GARIN3: variants seen among roughly 807,000 people sequenced by gnomAD.
The protein encoded by GARIN3 is golgi associated RAB2 interactor family member 3, also known as Golgi-associated RAB2 interactor protein 3.
chr5:157,166,054 T>C, the GARIN3 span: 1 of 1,614,226 alleles, frequency 6.2e-7, no homozygotes, highest in East Asian at 2.2e-5. Context: ...TTGAAAATGT[T>C]GTACTCTCCT....
At chr5:157,165,462 T>C in the GARIN3 span, 2 of 1,502,422 alleles carry the variant, frequency 1.3e-6, no homozygotes, top group Non-Finnish European at 1.8e-6. Context: ...CAATACTTTT[T>C]CCAGGTGGGC....
the GARIN3 span, chr5:157,163,477 G>A: frequency 6.2e-7 from 1 of 1,614,188 alleles, no homozygotes. Context: ...TGCTGTCCTT[G>A]CTGCTCCTCC....
chr5:157,162,742 T>C, the GARIN3 span: 1 of 1,614,230 alleles, frequency 6.2e-7, no homozygotes, highest in Non-Finnish European at 8.5e-7. Context: ...TGTTCTCGAC[T>C]CCTTTTTGGT....
At chr5:157,163,183 GC>G in the GARIN3 span, 2 of 1,613,956 alleles carry the variant, frequency 1.2e-6, no homozygotes, top group Non-Finnish European at 1.7e-6. Flanking sequence ...GGCGGCCCCC[GC>G]CATCGAGGTG....
chr5:157,166,134 G>T, the GARIN3 span: 1 of 1,613,948 alleles, frequency 6.2e-7, no homozygotes, highest in South Asian at 1.1e-5. Flanking sequence ...GTAGCTGTGG[G>T]CTGTGTAATA....
the GARIN3 span, chr5:157,162,743 C>A: frequency 1.9e-6 from 3 of 1,614,210 alleles, no homozygotes; most frequent in Non-Finnish European, 2.5e-6. Flanking sequence ...GTTCTCGACT[C>A]CTTTTTGGTG....
chr5:157,162,483 C>T, the GARIN3 span: 1 of 1,614,136 alleles, frequency 6.2e-7, no homozygotes, highest in Non-Finnish European at 8.5e-7. Context: ...TCATCTCCGT[C>T]TTCTCGGATG....
the GARIN3 span, chr5:157,166,158 T>C: frequency 1.2e-6 from 2 of 1,609,406 alleles, no homozygotes; most frequent in South Asian, 2.2e-5. Context: ...TAAACAAGAT[T>C]CATTGCTCAT....
At chr5:157,166,143 T>C in the GARIN3 span, 2 of 1,612,880 alleles carry the variant, frequency 1.2e-6, no homozygotes, top group South Asian at 1.1e-5. Flanking sequence ...GGCTGTGTAA[T>C]AAGGTAAACA....
the GARIN3 span, chr5:157,162,055 T>C: frequency 1.3e-5 from 3 of 228,616 alleles, no homozygotes; most frequent in African/African-American, 7.0e-5. Flanking sequence ...TGAATGTCCA[T>C]GTTCAGGGGC....
chr5:157,161,999 C>T, the GARIN3 span: 1 of 176,398 alleles, frequency 5.7e-6, no homozygotes, highest in Admixed American at 5.5e-5. Context: ...CTGAATATCC[C>T]CTGAGGGGAT....
chr5:157,164,044 AGAGT>A, the GARIN3 span, among the ~76,000 whole-genome samples: 69 of 152,000 alleles, frequency 4.5e-4, no homozygotes, highest in Non-Finnish European at 8.8e-5. Context: ...CCTAGGCAAC[AGAGT>A]GAGACACTGT....
chr5:157,163,810 C>G, the GARIN3 span: 7 of 1,010,416 alleles, frequency 6.9e-6, no homozygotes, highest in Non-Finnish European at 7.0e-6. Context: ...AATCCCAACA[C>G]TTTGGGAGGC....
chr5:157,162,900 C>G, the GARIN3 span: 35 of 1,614,078 alleles, frequency 2.2e-5, no homozygotes, highest in Non-Finnish European at 2.5e-5. Flanking sequence ...CCCCCGCTCT[C>G]CTGCGGTGAC....
At chr5:157,163,272 T>A in the GARIN3 span, 1 of 1,614,208 alleles carries the variant, frequency 6.2e-7, no homozygotes, top group Non-Finnish European at 8.5e-7. Flanking sequence ...TGGCAGCACC[T>A]GCCATGGACT....
chr5:157,162,430 G>A, the GARIN3 span: 17 of 1,608,076 alleles, frequency 1.1e-5, no homozygotes, highest in African/African-American at 1.3e-5. Flanking sequence ...CTGGGCGGTT[G>A]TAGCCCTGGC....
the GARIN3 span, among the ~76,000 whole-genome samples, chr5:157,165,381 C>A: frequency 5.3e-5 from 8 of 152,186 alleles, no homozygotes; most frequent in Non-Finnish European, 7.3e-5. Context: ...ATGGGACACA[C>A]AAGCCCTCCC....
the GARIN3 span, chr5:157,165,898 G>T: frequency 1.9e-6 from 3 of 1,614,154 alleles, no homozygotes; most frequent in Admixed American, 5.0e-5. Context: ...TTAGTTGGTT[G>T]GGCCAGAACC....
the GARIN3 span, chr5:157,162,926 G>A: frequency 1.7e-3 from 2,765 of 1,614,102 alleles, 28 homozygotes; most frequent in African/African-American, 0.016. Flanking sequence ...CCTGCCTTGC[G>A]GTGATGAGAA....
Sources: allele counts gnomAD v4.1 joint callset (sites outside exome capture counted in the v4.1 genomes callset), GRCh38; gene constraint gnomAD v4.1.1; transcripts MANE v1.5; gene names NCBI Gene and HGNC (gene_info 2026-07-23, HGNC 2026-07-21).